The following KRT4 variants were observed in gnomAD, a reference collection of about 807,000 sequenced individuals.
The protein encoded by KRT4 is keratin 4.
KRT4 carries 47 observed loss-of-function variants against 50.6 expected under a neutral mutation model. That is an observed-to-expected ratio of 0.93 (90% CI 0.73 to 1.18). The LOEUF (loss-of-function observed/expected upper bound fraction) is 1.18, where lower values mean the gene tolerates loss of function less well. Among genes scored for constraint, KRT4 ranks in the 50% most tolerant of loss-of-function variants. The pLI is 0.00. For synonymous variants in KRT4, 254 were observed against 251.2 expected, an observed-to-expected ratio of 1.01 and a Z score of -0.10; for missense variants, 651 against 645.7, an observed-to-expected ratio of 1.01 and a Z score of -0.09.
intron 2 of KRT4, 97 bp from the exon 3 acceptor site, chr12:52,810,913 T>C: frequency 1.0e-6 from 1 of 985,228 alleles, no homozygotes; most frequent in Non-Finnish European, 1.6e-6. Context: ...CAAACAAATT[T>C]GGAAATATCC....
At chr12:52,811,455 A>G (rs1175703883) in intron 2 of KRT4, 3 of 372,686 alleles carry the variant, frequency 8.0e-6, no homozygotes, top group African/African-American at 4.1e-5. Context: ...AACCACCTCC[A>G]TCTGTCTCTA....
rs1939852723 is a variant in KRT4, at chr12:52,808,719, GCTCCTCTGGGCAAT to G, written c.952_965del (p.Ile318GlnfsTer3). ...GGTACAGGGCTTCAGCCTCAGCCTTGCTCCTCTGGGCAATCTCCTCGTACTGGGCACGGACCTCG... is the reference window on the plus strand; with the variant it reads ...GGTACAGGGCTTCAGCCTCAGCCTTGCTCCTCGTACTGGGCACGGACCTCG... On this transcript the variant is annotated frameshift_variant, in exon 5 of 9. Coordinates refer to ENST00000551956, the MANE Select transcript of KRT4 (RefSeq NM_002272.4). LOFTEE classifies it high-confidence loss of function. 2 of 1,614,032 alleles carry G rather than the reference GCTCCTCTGGGCAAT, an allele frequency of 1.2e-6. No homozygotes were observed. Among genetic ancestry groups the G allele is most frequent in the African/African-American group, 2.7e-5 (2 of 74,890 alleles).
chr12:52,810,880 T>G, intron 2 of KRT4, 64 bp from the exon 3 acceptor site: 2 of 1,342,016 alleles, frequency 1.5e-6, no homozygotes, highest in Non-Finnish European at 2.1e-6. Flanking sequence ...CTCAGATCTC[T>G]GCTGCTTGTT....
In KRT4 at chr12:52,811,904, G is replaced by A. The variant is rs569774751; in HGVS notation, c.536C>T (p.Thr179Ile). 18 of 1,614,088 alleles carry A rather than the reference G, an allele frequency of 1.1e-5. No homozygotes were observed. Among genetic ancestry groups the A allele is most frequent in the African/African-American group, 6.7e-5 (5 of 75,050 alleles). ...GAGGGGCTCAAGGTTTTTGCTGGAG[G>A]TGGTGGTCGTCTGCTGCTGGAGCAG... ...WNLLQQQTTT[T>I]SSKNLEPLFE... Residue 179 changes from threonine to isoleucine, a missense_variant, in exon 2 of 9, where the codon ACC (threonine) becomes ATC (isoleucine). By Grantham distance (89) the Thr-to-Ile change is moderately conservative. Coordinates refer to ENST00000551956, the MANE Select transcript of KRT4 (RefSeq NM_002272.4).
Position 52,808,315 on chromosome 12 carries a change from C to G in KRT4, c.1104G>C (p.Glu368Asp). The G allele has an allele frequency of 6.2e-7, 1 of 1,614,132 alleles. No individual in the cohort carries two copies. The highest frequency in any genetic ancestry group is 8.5e-7 in the Non-Finnish European group (1 of 1,180,032). ...LNRMIQRLRA[E>D]IENIKKQCQT... ...CCACCTGCTTCTTGATGTTCTCGAT[C>G]TCTGCCCGCAGCCTCTGGATCATCC... is the stretch of plus-strand genomic sequence containing the variant. The change falls in exon 6 of 9, where the codon GAG becomes GAC. Residue 368 changes from glutamate (E) to aspartate (D), a missense_variant. Glu to Asp is a conservative substitution (Grantham distance 45, BLOSUM62 2). Transcript: ENST00000551956.
chr12:52,812,092 C>A, intron 1 of KRT4, 115 bp from the exon 2 acceptor site: 2 of 771,736 alleles, frequency 2.6e-6, no homozygotes, highest in Non-Finnish European at 4.5e-6. Context: ...AAGAACCACC[C>A]AAGTAGGGCC....
intron 4 of KRT4, 103 bp from the exon 5 acceptor site, chr12:52,808,953 G>A (rs936727463): frequency 1.6e-6 from 2 of 1,225,134 alleles, no homozygotes; most frequent in Non-Finnish European, 2.4e-6. Flanking sequence ...TGTAGGAAGG[G>A]GAGAGACAGG....
chr12:52,811,287 G>A (rs915816997), intron 2 of KRT4, among the ~76,000 whole-genome samples: 1 of 152,274 alleles, frequency 6.6e-6, no homozygotes, highest in South Asian at 2.1e-4. Context: ...CCTGAAATAT[G>A]CCACATGCTT....
At position 52,807,320 on chromosome 12, in the gene KRT4, G is replaced by A. The variant is rs374209840; in HGVS notation, c.1381+39C>T. The A allele has an allele frequency of 4.3e-6, 7 of 1,614,038 alleles. No individual in the cohort carries two copies. In the African/African-American group the frequency reaches 8.0e-5, roughly 18 times the overall value. On this transcript the variant is annotated intron_variant, in intron 8 of 8. Coordinates refer to ENST00000551956, the MANE Select transcript of KRT4 (RefSeq NM_002272.4). ...CACCCCAGGGGTCTGGCAAGACCCGGGTGAATGAACAACTACAGCAGGCGT... is the reference window on the plus strand; with the variant it reads ...CACCCCAGGGGTCTGGCAAGACCCGAGTGAATGAACAACTACAGCAGGCGT...
Position 52,810,751 on chromosome 12 carries a change from C to T in KRT4, c.738+5G>A, listed in dbSNP as rs367660428. ...AGGCACTCCCTACCATCCTTCGTCT[C>T]TTACCTTCTTTAGGACCACAAAGTC... On this transcript the variant is annotated splice_donor_5th_base_variant and intron_variant, in intron 3 of 8. Coordinates refer to ENST00000551956, the MANE Select transcript of KRT4 (RefSeq NM_002272.4). 7.4e-6 allele frequency: 12 copies of T among 1,613,702 alleles called. No individual in the cohort carries two copies. Among genetic ancestry groups the T allele is most frequent in the African/African-American group, 5.3e-5 (4 of 74,922 alleles).
chr12:52,809,531 G>T, intron 3 of KRT4, 53 bp from the exon 4 acceptor site: 2 of 1,296,870 alleles, frequency 1.5e-6, no homozygotes, highest in South Asian at 1.2e-5. Context: ...CCAGTAGGAG[G>T]ACGGGTTACT....
intron 1 of KRT4, among the ~76,000 whole-genome samples, chr12:52,812,735 A>AGTCACAGTAAAACC (rs1939934261): frequency 1.3e-5 from 2 of 152,376 alleles, no homozygotes. Flanking sequence ...CATGTCCTAT[A>AGTCACAGTAAAACC]GTCACAGTAA....
At position 52,807,796 on chromosome 12, in the gene KRT4, G is replaced by C; in HGVS notation, c.1194C>G (p.His398Gln). 2 of 1,614,192 alleles carry C rather than the reference G, an allele frequency of 1.2e-6. No homozygotes were observed. The highest frequency in any genetic ancestry group is 1.6e-4 in the Middle Eastern group (1 of 6,062). Reference sequence around the variant, plus strand: ...CAGCCTCCAGCTCTACGCGCTTGCTGTGGGCATCTTTAAGGGCATTCTCAC... The same window carrying C: ...CAGCCTCCAGCTCTACGCGCTTGCTCTGGGCATCTTTAAGGGCATTCTCAC... ...QRGENALKDAHSKRVELEAAL... is the reference protein window; with the variant it reads ...QRGENALKDAQSKRVELEAAL... The change falls in exon 7 of 9, where the codon CAC becomes CAG. Residue 398 changes from histidine to glutamine, a missense_variant. Transcript: ENST00000551956.
rs572216995 is a variant in KRT4, at chr12:52,806,988, A to T, written c.*81T>A. 4,134 of 1,324,280 alleles carry T rather than the reference A, an allele frequency of 3.1e-3. 17 individuals are homozygous for T. The highest frequency in any genetic ancestry group is 3.4e-3 in the Non-Finnish European group (3,099 of 919,694). The allele number at this position is 1,324,280 out of a possible 1,614,324, so 82.0% of individuals were successfully genotyped here. ...GTAAGATGAGCCCCAGAGACAGAGG[A>T]TGGAGGTGAAGTGAAGGAAGCACAG... On this transcript the variant is annotated 3_prime_UTR_variant, in exon 9 of 9. Coordinates refer to ENST00000551956, the MANE Select transcript of KRT4 (RefSeq NM_002272.4).
At chr12:52,810,908 A>T (rs1045793286) in intron 2 of KRT4, 92 bp from the exon 3 acceptor site, 7 of 1,014,956 alleles carry the variant, frequency 6.9e-6, no homozygotes, top group Non-Finnish European at 1.1e-5. Context: ...ATTTCCAAAC[A>T]AATTTGGAAA....
At chr12:52,808,219 T>A (rs1032900862) in intron 6 of KRT4, 75 bp downstream of exon 6, 3 of 1,575,290 alleles carry the variant, frequency 1.9e-6, no homozygotes, top group Non-Finnish European at 2.6e-6. Flanking sequence ...TGATGCTTTA[T>A]CTGCTTGTCC....
At chr12:52,809,567 C>T in intron 3 of KRT4, 89 bp from the exon 4 acceptor site, 1 of 933,942 alleles carries the variant, frequency 1.1e-6, no homozygotes, top group Non-Finnish European at 1.8e-6. Context: ...GTGTTCTCAG[C>T]AGCATTTAGG....
At chr12:52,809,308 CTG>C in intron 4 of KRT4, 73 bp downstream of exon 4, 1 of 1,161,748 alleles carries the variant, frequency 8.6e-7, no homozygotes, top group South Asian at 1.2e-5. Context: ...TTTCAAAAAA[CTG>C]TGAATCCCAA....
chr12:52,813,961 A>G lies in KRT4; in HGVS notation c.98T>C (p.Val33Ala). The G allele has an allele frequency of 1.2e-6, 2 of 1,614,146 alleles. No individual in the cohort carries two copies. The highest frequency in any genetic ancestry group is 1.7e-6 in the Non-Finnish European group (2 of 1,180,032). ...GGGKRGAFSS[V>A]SMSGGAGRCS... ...TCGGCCAGCACCTCCAGACATGGAG[A>G]CTGAGCTGAAGGCACCTCTCTTGCC... The change falls in exon 1 of 9, where the codon GTC becomes GCC. Residue 33 changes from valine (V) to alanine (A), a missense_variant. Physicochemically the swap from Val to Ala is moderately conservative, Grantham distance 64. Transcript: ENST00000551956.
Sources: gnomAD v4.1 joint callset for allele counts (sites outside exome capture counted in the v4.1 genomes callset) on GRCh38, gnomAD v4.1.1 for gene constraint, MANE v1.5 for transcripts, NCBI Gene and HGNC (gene_info 2026-07-23, HGNC 2026-07-21) for gene names.